Variants in CYP46A1 observed in about 807,000 individuals in gnomAD.
CYP46A1 encodes cytochrome P450 family 46 subfamily A member 1.
In CYP46A1, 20 loss-of-function variants were observed where a neutral mutation model predicts 63.3. That is an observed-to-expected ratio of 0.32 (90% CI 0.22 to 0.46). The LOEUF (loss-of-function observed/expected upper bound fraction) is 0.46, where lower values mean the gene tolerates loss of function less well. CYP46A1 is among the 20% of genes least tolerant of loss of function. The pLI, the probability that CYP46A1 is intolerant of heterozygous loss-of-function variation, is 1.00. For missense variants in CYP46A1, 445 were observed against 670.8 expected (o/e 0.66, Z 3.72); for synonymous variants, 268 against 273.6 (o/e 0.98, Z 0.20).
chr14:99,700,315 C>T (rs12894973), intron 5 of CYP46A1, among the ~76,000 whole-genome samples: 44,251 of 152,006 alleles, frequency 0.29, 7,192 homozygotes, highest in South Asian at 0.39. Context: ...GAGGCCCCCA[C>T]GCAGTTTGGG....
rs10600179 is a variant in CYP46A1 at position 99,722,644 on chromosome 14, C to CGTGTGTGTGTGTGT, written c.1176+600_1176+613dup. On this transcript the variant is annotated intron_variant, in intron 12 of 14. Transcript: ENST00000261835. This position sits in a 1 kb window ranked among gnomAD's most constrained non-coding sequence, Gnocchi z 4.6. ...ATCTGAATTGTGTGTTTGCCATTCCCGTGTGTGTGTGTGTGTGTGTGTGTG... is the reference window on the plus strand; with the variant it reads ...ATCTGAATTGTGTGTTTGCCATTCCCGTGTGTGTGTGTGTGTGTGTGTGTGTGTGTGTGTGTGTG... Among the ~76,000 whole-genome samples, 12,637 of 142,022 alleles carry CGTGTGTGTGTGTGT rather than the reference C, an allele frequency of 0.089. 708 individuals are homozygous for CGTGTGTGTGTGTGT. The highest frequency in any genetic ancestry group is 0.14 in the Admixed American group (1,960 of 13,962). 93.2% of individuals were successfully genotyped at this position (142,022 alleles called of 152,430 possible). A position where few individuals can be genotyped will look rare whatever the true frequency, so the allele number is the denominator to read the frequency against.
chr14:99,687,727 G>T (rs1483382565), intron 1 of CYP46A1, among the ~76,000 whole-genome samples: 2 of 152,154 alleles, frequency 1.3e-5, no homozygotes, highest in East Asian at 3.9e-4. Context: ...TCATGATGTT[G>T]CAGGAAACTG....
At chr14:99,724,975 T>A (rs759293503) in intron 12 of CYP46A1, among the ~76,000 whole-genome samples, 44 of 152,164 alleles carry the variant, frequency 2.9e-4, no homozygotes, top group Admixed American at 7.9e-4. Context: ...AGAAACTGAA[T>A]ATAACAGTTC....
chr14:99,720,841 TG>T (rs1165959588), intron 10 of CYP46A1, among the ~76,000 whole-genome samples: 1 of 151,752 alleles, frequency 6.6e-6, no homozygotes, highest in Non-Finnish European at 1.5e-5. Context: ...CCCAGCACTT[TG>T]GGAAGCTGAG....
chr14:99,703,334 C>T (rs2056648315), intron 5 of CYP46A1, among the ~76,000 whole-genome samples: 1 of 152,140 alleles, frequency 6.6e-6, no homozygotes, highest in African/African-American at 2.4e-5. Context: ...ATTGGCCTAC[C>T]CTCCTCCTGT....
At chr14:99,717,797 C>A (rs1052014717) in intron 9 of CYP46A1, 3 of 442,816 alleles carry the variant, frequency 6.8e-6, no homozygotes, top group Non-Finnish European at 1.2e-5. Context: ...GAATTGTGTC[C>A]CCCCCACTCT....
At chr14:99,704,948 T>C (rs1022187133) in intron 5 of CYP46A1, among the ~76,000 whole-genome samples, 1 of 152,040 alleles carries the variant, frequency 6.6e-6, no homozygotes, top group Non-Finnish European at 1.5e-5. Context: ...GGCAGGAGCA[T>C]TGTATTTGGA....
In CYP46A1 at chr14:99,691,128, G is replaced by A. The variant is rs2056539558; in HGVS notation, c.167G>A (p.Gly56Asp). Residue 56 changes from glycine to aspartate, a missense_variant, in exon 2 of 15, where the codon GGT becomes GAT. By Grantham distance (94) the Gly-to-Asp change is moderately conservative. Transcript: ENST00000261835. ...LPCFWKKDEV[G>D]GRVLQDVFLD... ...TGCTTTTGGAAAAAGGATGAGGTTG[G>A]TGGCCGTGTGCTCCAAGATGTGTTT... 8 of 1,614,166 alleles carry A rather than the reference G, an allele frequency of 5.0e-6. No individual in the cohort carries two copies. Among genetic ancestry groups the A allele is most frequent in the Non-Finnish European group, 6.8e-6 (8 of 1,180,028 alleles).
intron 7 of CYP46A1, among the ~76,000 whole-genome samples, chr14:99,715,408 C>G (rs2056779192): frequency 6.6e-6 from 1 of 152,180 alleles, no homozygotes; most frequent in East Asian, 1.9e-4. Flanking sequence ...CTCCCGTTCC[C>G]TGGGACTTCG....
intron 1 of CYP46A1, among the ~76,000 whole-genome samples, chr14:99,689,536 G>A (rs1261157736): frequency 2.0e-5 from 3 of 152,142 alleles, no homozygotes; most frequent in Non-Finnish European, 2.9e-5. Flanking sequence ...GACGGCCCTG[G>A]CAAATTGCAG....
chr14:99,687,562 C>T (rs917109723), intron 1 of CYP46A1, among the ~76,000 whole-genome samples: 5 of 152,180 alleles, frequency 3.3e-5, no homozygotes, highest in African/African-American at 4.8e-5. Context: ...CTCACCCTCA[C>T]GCCTACCCCT....
At chr14:99,695,846 G>C (rs1365443727) in intron 3 of CYP46A1, among the ~76,000 whole-genome samples, 1 of 152,030 alleles carries the variant, frequency 6.6e-6, no homozygotes, top group African/African-American at 2.4e-5. Context: ...GGCCAGTCTA[G>C]TCTTGAGCTC....
intron 5 of CYP46A1, chr14:99,706,301 T>C (rs1422389047): frequency 5.3e-6 from 1 of 190,024 alleles, no homozygotes; most frequent in Non-Finnish European, 1.1e-5. Flanking sequence ...GGAACCGGGA[T>C]TGCCCTCTCA....
chr14:99,716,934 GAC>G (rs2056795587), intron 9 of CYP46A1, among the ~76,000 whole-genome samples: 1 of 152,214 alleles, frequency 6.6e-6, no homozygotes, highest in African/African-American at 2.4e-5. Flanking sequence ...GAGGTGGAAA[GAC>G]AGAGAGACAA....
intron 10 of CYP46A1, among the ~76,000 whole-genome samples, chr14:99,719,378 A>ATTTTTTTT (rs55679517): frequency 2.8e-5 from 4 of 142,598 alleles, no homozygotes; most frequent in African/African-American, 1.1e-4. Flanking sequence ...CACCTGGCTA[A>ATTTTTTTT]TTTTTTTTTT....
At chr14:99,700,148 T>G in intron 5 of CYP46A1, 47 bp downstream of exon 5, 1 of 1,476,080 alleles carries the variant, frequency 6.8e-7, no homozygotes, top group Non-Finnish European at 9.3e-7. Flanking sequence ...CCAGAGGCAG[T>G]AGGGGCTGCC....
chr14:99,695,467 G>A (rs1282889202), intron 3 of CYP46A1: 1 of 436,018 alleles, frequency 2.3e-6, no homozygotes, highest in Non-Finnish European at 4.6e-6. Flanking sequence ...TTGAAGTTCT[G>A]TTATCAGGTG....
intron 5 of CYP46A1, among the ~76,000 whole-genome samples, chr14:99,700,919 C>A (rs1279554645): frequency 1.3e-5 from 2 of 152,044 alleles, no homozygotes; most frequent in African/African-American, 2.4e-5. Flanking sequence ...AGGAAAGATG[C>A]GGAGGTGGAA....
chr14:99,724,652 C>T (rs1319088137), intron 12 of CYP46A1, among the ~76,000 whole-genome samples: 4 of 152,244 alleles, frequency 2.6e-5, no homozygotes, highest in South Asian at 2.1e-4. Flanking sequence ...AGTAGGATGA[C>T]GTACATCATG....
Sources: gnomAD v4.1 joint callset for allele counts (sites outside exome capture counted in the v4.1 genomes callset) on GRCh38, gnomAD v4.1.1 for gene constraint, Gnocchi (gnomAD v3.1) non-coding constraint, MANE v1.5 for transcripts, NCBI Gene and HGNC (gene_info 2026-07-23, HGNC 2026-07-21) for gene names.